Variants in ST18 observed in about 807,000 individuals in gnomAD.
ST18 encodes suppression of tumorigenicity 18 protein.
ST18 carries 50 observed loss-of-function variants against 110.0 expected under a neutral mutation model. The ratio of observed to expected loss-of-function variants is 0.45; its 90% CI spans 0.36 to 0.58. ST18 has a LOEUF of 0.58. Ranked by LOEUF, ST18 falls within the 20% of genes least tolerant of loss-of-function variation. The probability of loss-of-function intolerance (pLI) is 0.00; values close to 1 mark genes in which losing one functional copy is unlikely to be tolerated. For missense variants in ST18, 1,306 were observed against 1,280.1 expected, an observed-to-expected ratio of 1.02 and a Z score of -0.31; for synonymous variants, 461 against 452.4, an observed-to-expected ratio of 1.02 and a Z score of -0.24.
intron 2 of ST18, among the ~76,000 whole-genome samples, chr8:52,358,633 C>A (rs1324345746): frequency 6.6e-6 from 1 of 151,630 alleles, no homozygotes; most frequent in African/African-American, 2.4e-5. Flanking sequence ...ACACTAACTA[C>A]CAAAACTGAC....
chr8:52,120,394 C>T (rs1399054973), intron 23 of ST18, among the ~76,000 whole-genome samples: 1 of 152,096 alleles, frequency 6.6e-6, no homozygotes. Context: ...GTGAGGCAGA[C>T]AAAAACCAAG....
At chr8:52,279,886 G>A (rs1300476126) in intron 2 of ST18, among the ~76,000 whole-genome samples, 1 of 152,142 alleles carries the variant, frequency 6.6e-6, no homozygotes, top group Non-Finnish European at 1.5e-5. Flanking sequence ...GGAGGAAAGA[G>A]ATCACCCAAA....
intron 2 of ST18, among the ~76,000 whole-genome samples, chr8:52,353,987 C>G (rs1444428791): frequency 6.6e-6 from 1 of 152,212 alleles, no homozygotes; most frequent in Non-Finnish European, 1.5e-5. Context: ...CTTGGGCTAG[C>G]CCACTCCACC....
intron 2 of ST18, among the ~76,000 whole-genome samples, chr8:52,242,176 A>C (rs1255069255): frequency 6.6e-6 from 1 of 152,250 alleles, no homozygotes; most frequent in Middle Eastern, 3.2e-3. Flanking sequence ...TATAACAGTA[A>C]CTGCCTAATG....
intron 2 of ST18, among the ~76,000 whole-genome samples, chr8:52,297,669 A>C (rs1343236314): frequency 6.6e-6 from 1 of 152,242 alleles, no homozygotes; most frequent in East Asian, 1.9e-4. Flanking sequence ...GCTATTAATA[A>C]AGTAGAAATA....
intron 5 of ST18, among the ~76,000 whole-genome samples, chr8:52,220,139 A>C (rs2086078365): frequency 6.6e-6 from 1 of 152,200 alleles, no homozygotes; most frequent in Admixed American, 6.5e-5. Context: ...CCCAGATTAA[A>C]GAAAACTCAG....
rs1402603570 is a variant in ST18, at chr8:52,172,161, G to A, written c.700C>T (p.Pro234Ser). The A allele has an allele frequency of 1.9e-6, 3 of 1,614,094 alleles. No individual in the cohort carries two copies. Among genetic ancestry groups the A allele is most frequent in the South Asian group, 2.2e-5 (2 of 91,064 alleles). Residue 234 changes from proline to serine, a missense_variant, in exon 10 of 26, where the codon CCT (proline) becomes TCT (serine). Coordinates refer to ENST00000689386, the MANE Select transcript of ST18 (RefSeq NM_001352837.2). ...TTGTCACCTTCAGTTTTTATTTCAG[G>A]AACTTCCAATAGGTCTTTTTTATGA... is the stretch of plus-strand genomic sequence containing the variant. ...TDHKKDLLEV[P>S]EIKTEGDKFI...
intron 9 of ST18, among the ~76,000 whole-genome samples, chr8:52,175,812 G>T (rs1438903090): frequency 6.6e-6 from 1 of 152,104 alleles, no homozygotes; most frequent in Non-Finnish European, 1.5e-5. Flanking sequence ...ACAGGACCAG[G>T]GCTGCGTGGC....
At chr8:52,213,211 T>C (rs1199586699) in intron 7 of ST18, among the ~76,000 whole-genome samples, 1 of 152,226 alleles carries the variant, frequency 6.6e-6, no homozygotes, top group Non-Finnish European at 1.5e-5. Flanking sequence ...TTGATTACCA[T>C]GGTTAATGAT....
chr8:52,313,751 G>A (rs532585134), intron 2 of ST18, among the ~76,000 whole-genome samples: 2 of 152,128 alleles, frequency 1.3e-5, no homozygotes, highest in Non-Finnish European at 2.9e-5. Context: ...AGAGGCAATG[G>A]CTGAGGCTCA....
chr8:52,313,868 C>A (rs1293243681), intron 2 of ST18, among the ~76,000 whole-genome samples: 1 of 152,148 alleles, frequency 6.6e-6, no homozygotes, highest in African/African-American at 2.4e-5. Flanking sequence ...GAGAGAGAGG[C>A]CACTGGGATC....
chr8:52,325,807 G>C (rs1180332075), intron 2 of ST18, among the ~76,000 whole-genome samples: 1 of 152,074 alleles, frequency 6.6e-6, no homozygotes, highest in Non-Finnish European at 1.5e-5. Flanking sequence ...TCACTTAGGA[G>C]GATCTAAAGA....
At position 52,110,961 on chromosome 8, in the gene ST18, A is replaced by T. The variant is rs1016125930; in HGVS notation, c.*2237T>A. 25 of 394,106 alleles carry T rather than the reference A, an allele frequency of 6.3e-5. No homozygotes were observed. The highest frequency in any genetic ancestry group is 4.7e-4 in the African/African-American group (23 of 48,592). 24.4% of individuals were successfully genotyped at this position (394,106 alleles called of 1,614,324 possible). On this transcript the variant is annotated 3_prime_UTR_variant, in exon 26 of 26. Transcript: ENST00000689386. Reference sequence around the variant, plus strand: ...GTATACAAACAAACTACCTCAAATTAAAAAAAATGCATACATCATTGCCTT... The same window carrying T: ...GTATACAAACAAACTACCTCAAATTTAAAAAAATGCATACATCATTGCCTT...
intron 2 of ST18, among the ~76,000 whole-genome samples, chr8:52,276,144 TGCAC>T: frequency 1.4e-4 from 1 of 7,230 alleles, no homozygotes; most frequent in Non-Finnish European, 3.3e-4. Context: ...ACACACCACA[TGCAC>T]ACCACGCACC....
chr8:52,177,757 T>A (rs1261300539), intron 9 of ST18, among the ~76,000 whole-genome samples: 1 of 152,216 alleles, frequency 6.6e-6, no homozygotes, highest in East Asian at 1.9e-4. Context: ...TCCAATTGTT[T>A]CCTAATTATC....
chr8:52,123,278 G>A (rs374579223), intron 23 of ST18, among the ~76,000 whole-genome samples: 4 of 152,108 alleles, frequency 2.6e-5, no homozygotes, highest in Non-Finnish European at 5.9e-5. Flanking sequence ...TGATTTGTAC[G>A]TAGTTTAAAT....
At chr8:52,132,819 A>G (rs1229995268) in intron 21 of ST18, among the ~76,000 whole-genome samples, 6 of 152,250 alleles carry the variant, frequency 3.9e-5, no homozygotes, top group African/African-American at 1.4e-4. Context: ...AAAACAATTG[A>G]GAAATGTATG....
intron 2 of ST18, among the ~76,000 whole-genome samples, chr8:52,232,427 A>G (rs2137015451): frequency 6.6e-6 from 1 of 152,354 alleles, no homozygotes; most frequent in Admixed American, 6.5e-5. Flanking sequence ...TTAATTACAA[A>G]TTATATCATA....
At chr8:52,321,490 C>T (rs1803882252) in intron 2 of ST18, among the ~76,000 whole-genome samples, 2 of 152,132 alleles carry the variant, frequency 1.3e-5, no homozygotes, top group South Asian at 2.1e-4. Flanking sequence ...AAGACAATGG[C>T]CACCAAGTGC....
Sources: gnomAD v4.1 joint callset for allele counts (sites outside exome capture counted in the v4.1 genomes callset) on GRCh38, gnomAD v4.1.1 for gene constraint, MANE v1.5 for transcripts, NCBI Gene and HGNC (gene_info 2026-07-23, HGNC 2026-07-21) for gene names.